ADGRB3: variants seen among roughly 807,000 people sequenced by gnomAD.
ADGRB3 encodes the protein adhesion G protein-coupled receptor B3, also known as brain-specific angiogenesis inhibitor 3.
A neutral mutation model predicts 193.4 loss-of-function variants in ADGRB3; 37 were observed. The ratio of observed to expected loss-of-function variants is 0.19; its 90% CI spans 0.15 to 0.25. ADGRB3 has a LOEUF of 0.25. ADGRB3 is among the 10% of genes least tolerant of loss of function. The probability of loss-of-function intolerance (pLI) is 1.00; values close to 1 mark genes in which losing one functional copy is unlikely to be tolerated. For synonymous variants in ADGRB3, 690 were observed against 644.2 expected, an observed-to-expected ratio of 1.07 and a Z score of -1.08; for missense variants, 1,637 against 1,852.9, an observed-to-expected ratio of 0.88 and a Z score of 2.14.
chr6:69,224,444 GACCA>G (rs1433916782), intron 17 of ADGRB3, among the ~76,000 whole-genome samples: 5 of 152,046 alleles, frequency 3.3e-5, no homozygotes, highest in African/African-American at 4.8e-5. Context: ...TCCTAGCCCA[GACCA>G]ACAGTTTTTT....
chr6:68,846,569 A>G (rs1768279406), intron 3 of ADGRB3, among the ~76,000 whole-genome samples: 1 of 152,230 alleles, frequency 6.6e-6, no homozygotes, highest in African/African-American at 2.4e-5. Flanking sequence ...GAAAGGGGTC[A>G]ATGTACAGTT....
At chr6:69,094,079 CA>C (rs770320024) in intron 17 of ADGRB3, among the ~76,000 whole-genome samples, 2 of 152,110 alleles carry the variant, frequency 1.3e-5, no homozygotes, top group Non-Finnish European at 2.9e-5. Context: ...GCTGTTTGCA[CA>C]GTGGAGGCAA....
intron 20 of ADGRB3, among the ~76,000 whole-genome samples, chr6:69,253,303 AT>A (rs1766668532): frequency 6.6e-6 from 1 of 152,068 alleles, no homozygotes; most frequent in South Asian, 2.1e-4. Flanking sequence ...TTCTTTGGGT[AT>A]TCAAATACGT....
intron 3 of ADGRB3, among the ~76,000 whole-genome samples, chr6:68,831,222 A>C (rs514518): frequency 0.5 from 75,251 of 150,338 alleles, 20,294 homozygotes; most frequent in African/African-American, 0.72. Context: ...TGAGTACAAA[A>C]GACAGAAAAG....
In ADGRB3 at chr6:68,957,156, T is replaced by C. The variant is rs528069253; in HGVS notation, c.1525+347T>C. 6.6e-5 allele frequency among the ~76,000 whole-genome samples: 10 copies of C among 152,342 alleles called. No individual in the cohort carries two copies. In the South Asian group the frequency reaches 2.1e-3, roughly 32 times the overall value. Reference sequence around the variant, plus strand: ...ATTACTCTGACCTTGATGTGTGACCTTGATTATCTACATTTACTTGCGTTT... The same window carrying C: ...ATTACTCTGACCTTGATGTGTGACCCTGATTATCTACATTTACTTGCGTTT... On this transcript the variant is annotated intron_variant, in intron 8 of 31. Coordinates refer to ENST00000370598, the MANE Select transcript of ADGRB3 (RefSeq NM_001704.3).
intron 20 of ADGRB3, among the ~76,000 whole-genome samples, chr6:69,278,222 GAA>G (rs546323380): frequency 6.6e-6 from 1 of 152,146 alleles, no homozygotes; most frequent in African/African-American, 2.4e-5. Flanking sequence ...AGGCATCTTG[GAA>G]AAAAAGTTTT....
At chr6:69,132,172 T>A (rs1320286255) in intron 17 of ADGRB3, among the ~76,000 whole-genome samples, 1 of 152,182 alleles carries the variant, frequency 6.6e-6, no homozygotes, top group African/African-American at 2.4e-5. Flanking sequence ...AAATGGTATT[T>A]CTGATTCTAG....
intron 3 of ADGRB3, among the ~76,000 whole-genome samples, chr6:68,709,182 CA>C (rs1320119868): frequency 1.3e-5 from 2 of 151,976 alleles, no homozygotes; most frequent in African/African-American, 2.4e-5. Flanking sequence ...TAATTAAATC[CA>C]AAATGAGATG....
At chr6:69,204,406 G>A (rs1291620441) in intron 17 of ADGRB3, among the ~76,000 whole-genome samples, 2 of 152,070 alleles carry the variant, frequency 1.3e-5, no homozygotes, top group South Asian at 4.1e-4. Flanking sequence ...TGCCAATATG[G>A]CAATTGAGTG....
At chr6:69,221,394 A>G (rs531961085) in intron 17 of ADGRB3, among the ~76,000 whole-genome samples, 2 of 152,172 alleles carry the variant, frequency 1.3e-5, no homozygotes, top group South Asian at 4.1e-4. Context: ...ACAGACTTAT[A>G]TTGCTTTTCC....
At chr6:68,697,702 G>A (rs1483860580) in intron 3 of ADGRB3, among the ~76,000 whole-genome samples, 1 of 151,788 alleles carries the variant, frequency 6.6e-6, no homozygotes, top group African/African-American at 2.4e-5. Context: ...GTCATTGCTT[G>A]CCACCTGTTA....
At chr6:68,890,058 TC>T (rs1766030243) in intron 3 of ADGRB3, among the ~76,000 whole-genome samples, 1 of 152,204 alleles carries the variant, frequency 6.6e-6, no homozygotes, top group African/African-American at 2.4e-5. Context: ...TAACAAAATG[TC>T]AATATTTTCT....
At chr6:69,374,784 T>G (rs940937522) in intron 30 of ADGRB3, among the ~76,000 whole-genome samples, 6 of 152,056 alleles carry the variant, frequency 3.9e-5, no homozygotes, top group African/African-American at 1.4e-4. Flanking sequence ...ATTCAGTAAT[T>G]TTTTTAAAAG....
intron 17 of ADGRB3, among the ~76,000 whole-genome samples, chr6:69,187,299 T>C (rs140793023): frequency 6.6e-6 from 1 of 152,198 alleles, no homozygotes; most frequent in Admixed American, 6.5e-5. Flanking sequence ...ATATTGGATC[T>C]AAAGTCTTCC....
chr6:68,668,899 T>C (rs1242252921), intron 3 of ADGRB3, among the ~76,000 whole-genome samples: 1 of 151,964 alleles, frequency 6.6e-6, no homozygotes, highest in Non-Finnish European at 1.5e-5. Flanking sequence ...TCAGGTTCTC[T>C]TGTTACAATA....
At chr6:68,905,944 A>C (rs1766533177) in intron 3 of ADGRB3, among the ~76,000 whole-genome samples, 1 of 151,770 alleles carries the variant, frequency 6.6e-6, no homozygotes, top group African/African-American at 2.4e-5. Context: ...CCTGACCACC[A>C]ATTTTGTTAA....
Position 68,669,604 on chromosome 6 carries a change from TTGTGTGTGTG to T in ADGRB3, c.757+30210_757+30219del, listed in dbSNP as rs59849376. ...TTTTTTATGGATGAATAATACTCCA[TTGTGTGTGTG>T]TGTGTGTGTGTGTGTGTGTGTGTGT... On this transcript the variant is annotated intron_variant, in intron 3 of 31. Transcript: ENST00000370598. Among the ~76,000 whole-genome samples the T allele has an allele frequency of 6.4e-3, 866 of 134,738 alleles. 7 individuals are homozygous for T. Among genetic ancestry groups the T allele is most frequent in the African/African-American group, 0.014 (508 of 36,036 alleles). The allele number at this position is 134,738 out of a possible 152,430, so 88.4% of individuals were successfully genotyped here. A position where few individuals can be genotyped will look rare whatever the true frequency, so the allele number is the denominator to read the frequency against.
chr6:68,807,441 C>A (rs1767427138), intron 3 of ADGRB3, among the ~76,000 whole-genome samples: 1 of 151,662 alleles, frequency 6.6e-6, no homozygotes. Context: ...GGGGTTTCAC[C>A]GTGTTAGCCA....
intron 3 of ADGRB3, among the ~76,000 whole-genome samples, chr6:68,871,234 C>T (rs1410548057): frequency 6.6e-6 from 1 of 152,082 alleles, no homozygotes; most frequent in African/African-American, 2.4e-5. Flanking sequence ...CCTCAGTTGT[C>T]TATTACAAGG....
Sources: gnomAD v4.1 joint callset for allele counts (sites outside exome capture counted in the v4.1 genomes callset) on GRCh38, gnomAD v4.1.1 for gene constraint, MANE v1.5 for transcripts, NCBI Gene and HGNC (gene_info 2026-07-23, HGNC 2026-07-21) for gene names.